Variants in LYPD6B observed in about 807,000 individuals in gnomAD.
LYPD6B encodes the protein LY6/PLAUR domain containing 6B.
A neutral mutation model predicts 22.8 loss-of-function variants in LYPD6B; 17 were observed. That is an observed-to-expected ratio of 0.75 (90% CI 0.51 to 1.12). The LOEUF (loss-of-function observed/expected upper bound fraction) is 1.12, where lower values mean the gene tolerates loss of function less well. LYPD6B is among the 50% of genes most tolerant of loss of function. LYPD6B has a pLI of 0.00. For missense variants in LYPD6B, 221 were observed against 258.3 expected (o/e 0.86, Z 0.99); for synonymous variants, 106 against 91.6 (o/e 1.16, Z -0.90).
At chr2:149,131,145 T>C (rs1417245651) in intron 2 of LYPD6B, 192 bp downstream of exon 2, 1 of 499,260 alleles carries the variant, frequency 2.0e-6, no homozygotes, top group African/African-American at 2.0e-5. Flanking sequence ...CTAATCATAT[T>C]GACTTTTTAT....
intron 1 of LYPD6B, among the ~76,000 whole-genome samples, chr2:149,062,860 CTTT>C (rs5835285): frequency 4.3e-5 from 4 of 93,548 alleles, no homozygotes; most frequent in African/African-American, 1.2e-4. Context: ...GATACATGTT[CTTT>C]TTTTTTTTTT....
chr2:149,107,914 T>C (rs1686556374), intron 1 of LYPD6B, among the ~76,000 whole-genome samples: 1 of 152,204 alleles, frequency 6.6e-6, no homozygotes, highest in Non-Finnish European at 1.5e-5. Context: ...TAATTGTTTT[T>C]CTACTTGTTC....
At chr2:149,111,144 C>A (rs1185141602) in intron 1 of LYPD6B, among the ~76,000 whole-genome samples, 5 of 151,988 alleles carry the variant, frequency 3.3e-5, no homozygotes, top group Non-Finnish European at 7.4e-5. Context: ...GAGGTGAGGT[C>A]AGAGGGACCC....
intron 3 of LYPD6B, among the ~76,000 whole-genome samples, chr2:149,174,174 T>C (rs1269644790): frequency 6.6e-6 from 1 of 152,212 alleles, no homozygotes; most frequent in South Asian, 2.1e-4. Flanking sequence ...GGGAGTTCAT[T>C]CATGATTTGG....
chr2:149,123,855 G>A (rs558310721), intron 1 of LYPD6B, among the ~76,000 whole-genome samples: 40 of 152,282 alleles, frequency 2.6e-4, no homozygotes, highest in African/African-American at 9.1e-4. Context: ...GAGAGACTTC[G>A]TCTCTAAATA....
chr2:149,176,606 G>C (rs1315415593), intron 3 of LYPD6B, among the ~76,000 whole-genome samples: 2 of 152,144 alleles, frequency 1.3e-5, no homozygotes, highest in Non-Finnish European at 1.5e-5. Context: ...CCTGTGGCTT[G>C]TACTTGGTCA....
At chr2:149,153,789 A>C (rs1198006303) in intron 2 of LYPD6B, among the ~76,000 whole-genome samples, 1 of 151,474 alleles carries the variant, frequency 6.6e-6, no homozygotes, top group Non-Finnish European at 1.5e-5. Context: ...AAAAAAAAAA[A>C]AGAAGAAGTC....
chr2:149,153,423 C>T (rs1689495686), intron 2 of LYPD6B, among the ~76,000 whole-genome samples: 1 of 152,006 alleles, frequency 6.6e-6, no homozygotes, highest in Non-Finnish European at 1.5e-5. Flanking sequence ...GTGGGATGGT[C>T]AGGATCTGTT....
chr2:149,166,497 C>T (rs72981279), intron 3 of LYPD6B, among the ~76,000 whole-genome samples: 2,371 of 152,180 alleles, frequency 0.016, 45 homozygotes, highest in African/African-American at 0.054. Flanking sequence ...ACTAGACTTG[C>T]GTCTCCAGGA....
intron 1 of LYPD6B, among the ~76,000 whole-genome samples, chr2:149,053,787 G>A (rs565641260): frequency 2.8e-4 from 42 of 152,226 alleles, no homozygotes; most frequent in African/African-American, 9.9e-4. Context: ...TTTCTGTCTT[G>A]ATGGATTTGC....
At chr2:149,169,976 G>T (rs1690709037) in intron 3 of LYPD6B, among the ~76,000 whole-genome samples, 1 of 152,148 alleles carries the variant, frequency 6.6e-6, no homozygotes, top group South Asian at 2.1e-4. Flanking sequence ...TAGGGCCAAG[G>T]TTTCTGTTTA....
At chr2:149,053,694 T>C (rs144480322) in intron 1 of LYPD6B, among the ~76,000 whole-genome samples, 3 of 152,212 alleles carry the variant, frequency 2.0e-5, no homozygotes, top group African/African-American at 7.2e-5. Flanking sequence ...GAGGGTTTTA[T>C]CACTCCAAAA....
chr2:149,137,562 A>G (rs1688443603), intron 2 of LYPD6B, among the ~76,000 whole-genome samples: 1 of 152,220 alleles, frequency 6.6e-6, no homozygotes, highest in African/African-American at 2.4e-5. Flanking sequence ...ATTTTATGTG[A>G]TACAACTCAT....
chr2:149,059,787 C>G (rs551553205), intron 1 of LYPD6B, among the ~76,000 whole-genome samples: 34 of 152,304 alleles, frequency 2.2e-4, no homozygotes, highest in Non-Finnish European at 4.0e-4. Flanking sequence ...GTCCTTAGTG[C>G]TCTGTAGAGA....
At chr2:149,211,293 A>G (rs188732280) in intron 5 of LYPD6B, among the ~76,000 whole-genome samples, 11 of 152,276 alleles carry the variant, frequency 7.2e-5, no homozygotes, top group Admixed American at 7.2e-4. Context: ...AACCATATCA[A>G]TTGCCACGTG....
At chr2:149,122,583 T>C (rs576139580) in intron 1 of LYPD6B, among the ~76,000 whole-genome samples, 36 of 30,122 alleles carry the variant, frequency 1.2e-3, no homozygotes, top group Middle Eastern at 0.025. Flanking sequence ...CCCCACCCCA[T>C]GACAGGCCCT....
Position 149,056,369 on chromosome 2 carries a change from G to A in LYPD6B, c.-67+17568G>A, listed in dbSNP as rs377080892. On this transcript the variant is annotated intron_variant, in intron 1 of 6. Coordinates refer to ENST00000409642, the MANE Select transcript of LYPD6B (RefSeq NM_177964.5). ...AGGGATTAGGAAGTTTCATATTCTGGCAAGTGGTTTCCATTAAAGAGTAAC... is the reference window on the plus strand; with the variant it reads ...AGGGATTAGGAAGTTTCATATTCTGACAAGTGGTTTCCATTAAAGAGTAAC... Among the ~76,000 whole-genome samples, 5 of 152,232 alleles carry A rather than the reference G, an allele frequency of 3.3e-5. No individual in the cohort carries two copies. In the South Asian group the frequency reaches 8.3e-4, roughly 25 times the overall value.
chr2:149,213,309 A>G (rs1693994871), intron 6 of LYPD6B, among the ~76,000 whole-genome samples, 187 bp downstream of exon 6: 1 of 152,100 alleles, frequency 6.6e-6, no homozygotes. Flanking sequence ...AGACCAAAGA[A>G]CAGAGACTCC....
chr2:149,172,109 C>G (rs1413624895), intron 3 of LYPD6B, among the ~76,000 whole-genome samples: 1 of 152,138 alleles, frequency 6.6e-6, no homozygotes, highest in Non-Finnish European at 1.5e-5. Context: ...AGGAAACTTA[C>G]AATCATGGCA....
Sources: gnomAD v4.1 joint callset for allele counts (sites outside exome capture counted in the v4.1 genomes callset) on GRCh38, gnomAD v4.1.1 for gene constraint, MANE v1.5 for transcripts, NCBI Gene and HGNC (gene_info 2026-07-23, HGNC 2026-07-21) for gene names.